Variants in MORN5 observed in about 807,000 individuals in gnomAD.
MORN5 encodes the protein MORN repeat-containing protein 5.
In MORN5, 21 loss-of-function variants were observed where a neutral mutation model predicts 22.1. That is an observed-to-expected ratio of 0.95 (90% CI 0.67 to 1.37). The LOEUF (loss-of-function observed/expected upper bound fraction) is 1.37. Among genes scored for constraint, MORN5 ranks in the 40% most tolerant of loss-of-function variants. The pLI is 0.00. For synonymous variants in MORN5, 73 were observed against 74.0 expected, an observed-to-expected ratio of 0.99 and a Z score of 0.07; for missense variants, 211 against 215.1, an observed-to-expected ratio of 0.98 and a Z score of 0.12.
In MORN5 at chr9:122,184,440, C is replaced by T. The variant is rs548588340; in HGVS notation, c.439+9813C>T. On this transcript the variant is annotated intron_variant, in intron 4 of 4. Transcript: ENST00000373764. Reference sequence around the variant, plus strand: ...TAAATTTTCTCTGGTGTTTTTTAGACAGTTGAAAACTGGAAACATCCTCAG... The same window carrying T: ...TAAATTTTCTCTGGTGTTTTTTAGATAGTTGAAAACTGGAAACATCCTCAG... 2.0e-5 allele frequency among the ~76,000 whole-genome samples: 3 copies of T among 152,282 alleles called. No homozygotes were observed. In the East Asian group the frequency reaches 5.8e-4, roughly 29 times the overall value.
At chr9:122,167,629 C>G (rs1327154062) in intron 2 of MORN5, among the ~76,000 whole-genome samples, 2 of 152,152 alleles carry the variant, frequency 1.3e-5, no homozygotes, top group Non-Finnish European at 2.9e-5. Context: ...CACTTACTGC[C>G]TGATCTTAGG....
Position 122,166,791 on chromosome 9 carries a change from T to C in MORN5, c.71T>C (p.Ile24Thr). Residue 24 changes from isoleucine to threonine, a missense_variant, in exon 2 of 5, where the codon ATC (isoleucine) becomes ACC (threonine). Transcript: ENST00000373764. ...DGRMEGKAKY[I>T]LPTETIYVGE... ...AGGATGGAGGGCAAAGCCAAGTACA[T>C]CCTCCCTACCGAAACAATATATGTT... 6.2e-7 allele frequency: 1 copy of C among 1,613,590 alleles called. No homozygotes were observed. The highest frequency in any genetic ancestry group is 8.5e-7 in the Non-Finnish European group (1 of 1,179,822).
At chr9:122,191,730 C>T (rs1829772993) in intron 4 of MORN5, among the ~76,000 whole-genome samples, 1 of 152,250 alleles carries the variant, frequency 6.6e-6, no homozygotes, top group Non-Finnish European at 1.5e-5. Flanking sequence ...TGTGCAGTGA[C>T]CCCAATCCGC....
At chr9:122,189,472 C>A (rs1829711426) in intron 4 of MORN5, among the ~76,000 whole-genome samples, 1 of 152,072 alleles carries the variant, frequency 6.6e-6, no homozygotes, top group Non-Finnish European at 1.5e-5. Context: ...TGGTGGCACA[C>A]CTGGAGTTCA....
chr9:122,176,117 C>CAA lies in MORN5; in HGVS notation c.439+1509_439+1510dup, dbSNP rs747126842. On this transcript the variant is annotated intron_variant, in intron 4 of 4. Coordinates refer to ENST00000373764, the MANE Select transcript of MORN5 (RefSeq NM_198469.4). ...TGGGCGACAGAGCAAGACTCCGTCT[C>CAA]AAAAAAAAAAAAAAAAAAAAGAGCA... Among the ~76,000 whole-genome samples, 381 of 51,240 alleles carry CAA rather than the reference C, an allele frequency of 7.4e-3. 4 individuals are homozygous for CAA. Among genetic ancestry groups the CAA allele is most frequent in the African/African-American group, 0.019 (298 of 15,310 alleles). The allele number at this position is 51,240 out of a possible 152,430, so 33.6% of individuals were successfully genotyped here.
intron 4 of MORN5, among the ~76,000 whole-genome samples, chr9:122,189,463 G>A (rs1270768581): frequency 6.6e-6 from 1 of 152,092 alleles, no homozygotes; most frequent in Non-Finnish European, 1.5e-5. Flanking sequence ...AGCCAGGGGT[G>A]GTGGCACACC....
chr9:122,161,860 T>A (rs139575691), intron 1 of MORN5, among the ~76,000 whole-genome samples: 1 of 152,190 alleles, frequency 6.6e-6, no homozygotes, highest in Admixed American at 6.5e-5. Flanking sequence ...CCCTAGGAAT[T>A]TGGGCTTTGC....
chr9:122,170,834 C>T (rs897974639), intron 3 of MORN5, among the ~76,000 whole-genome samples: 9 of 152,170 alleles, frequency 5.9e-5, no homozygotes, highest in Non-Finnish European at 1.2e-4. Flanking sequence ...AGCCTCAAGA[C>T]GAGGGGAGGA....
chr9:122,192,697 G>A (rs1829797923), intron 4 of MORN5, among the ~76,000 whole-genome samples: 1 of 152,168 alleles, frequency 6.6e-6, no homozygotes, highest in Non-Finnish European at 1.5e-5. Context: ...TGGGGTTAGT[G>A]CCCAGGTATG....
intron 4 of MORN5, among the ~76,000 whole-genome samples, chr9:122,198,213 T>A (rs186369713): frequency 6.6e-6 from 1 of 152,204 alleles, no homozygotes; most frequent in Admixed American, 6.5e-5. Flanking sequence ...ATAGGCTGTC[T>A]GTGAGCCTCC....
At chr9:122,192,166 C>G (rs569667383) in intron 4 of MORN5, among the ~76,000 whole-genome samples, 1 of 152,238 alleles carries the variant, frequency 6.6e-6, no homozygotes, top group Admixed American at 6.5e-5. Flanking sequence ...CAGGCTTGTT[C>G]GGCTCCAGAA....
Position 122,177,451 on chromosome 9 carries a change from A to T in MORN5, c.439+2824A>T, listed in dbSNP as rs377748027. The stretch of plus-strand genomic sequence containing the variant: ...CAGTAGCTTCTTTTTTTTCATTTTG[A>T]GATGGAGTTTCACTCTTGTTGCCCA... On this transcript the variant is annotated intron_variant, in intron 4 of 4. Coordinates refer to ENST00000373764, the MANE Select transcript of MORN5 (RefSeq NM_198469.4). 5.0e-4 allele frequency among the ~76,000 whole-genome samples: 76 copies of T among 151,994 alleles called. 1 individual carries two copies. In the East Asian group the frequency reaches 7.5e-3, roughly 15 times the overall value.
chr9:122,166,793 C>T lies in MORN5; in HGVS notation c.73C>T (p.Leu25Phe). The T allele has an allele frequency of 1.2e-6, 2 of 1,613,810 alleles. No individual in the cohort carries two copies. The highest frequency in any genetic ancestry group is 2.7e-5 in the African/African-American group (2 of 75,010). Residue 25 changes from leucine (L) to phenylalanine (F), a missense_variant, in exon 2 of 5, where the codon CTC (leucine) becomes TTC (phenylalanine). Transcript: ENST00000373764. ...GATGGAGGGCAAAGCCAAGTACATC[C>T]TCCCTACCGAAACAATATATGTTGG... ...GRMEGKAKYI[L>F]PTETIYVGEM...
chr9:122,176,355 G>A (rs1829451894), intron 4 of MORN5, among the ~76,000 whole-genome samples: 1 of 152,082 alleles, frequency 6.6e-6, no homozygotes, highest in Admixed American at 6.5e-5. Flanking sequence ...AAGTTTCTTG[G>A]TCAAATAAAA....
intron 1 of MORN5, among the ~76,000 whole-genome samples, chr9:122,160,429 G>T (rs1829175178): frequency 6.6e-6 from 1 of 152,178 alleles, no homozygotes; most frequent in African/African-American, 2.4e-5. Context: ...CTACACGGTC[G>T]CTTCCTTCCA....
chr9:122,192,009 C>T (rs1418394358), intron 4 of MORN5, among the ~76,000 whole-genome samples: 1 of 152,224 alleles, frequency 6.6e-6, no homozygotes, highest in African/African-American at 2.4e-5. Flanking sequence ...CCTGGGTGCC[C>T]ACCAAGGGCC....
At chr9:122,194,994 T>C (rs904482203) in intron 4 of MORN5, among the ~76,000 whole-genome samples, 2 of 148,470 alleles carry the variant, frequency 1.3e-5, no homozygotes, top group African/African-American at 5.0e-5. Flanking sequence ...CCCTCCAGCC[T>C]GGGTGACAGA....
At chr9:122,193,658 C>G (rs1312163231) in intron 4 of MORN5, among the ~76,000 whole-genome samples, 1 of 152,220 alleles carries the variant, frequency 6.6e-6, no homozygotes, top group Non-Finnish European at 1.5e-5. Flanking sequence ...TTGCTTAGGC[C>G]TGTTTTCAAT....
intron 1 of MORN5, 112 bp downstream of exon 1, chr9:122,160,131 G>A (rs1373469546): frequency 1.0e-6 from 1 of 953,474 alleles, no homozygotes; most frequent in Non-Finnish European, 1.6e-6. Flanking sequence ...AAACTTGCCC[G>A]AGTAATTTTT....
Sources: gnomAD v4.1 joint callset for allele counts (sites outside exome capture counted in the v4.1 genomes callset) on GRCh38, gnomAD v4.1.1 for gene constraint, MANE v1.5 for transcripts, NCBI Gene and HGNC (gene_info 2026-07-23, HGNC 2026-07-21) for gene names.